Variants in USP43 observed in about 807,000 individuals in gnomAD.
The protein encoded by USP43 is ubiquitin carboxyl-terminal hydrolase 43.
Under a neutral mutation model 90.7 loss-of-function variants are expected in USP43, and 33 were observed. The observed-to-expected ratio is 0.36, with a 90% confidence interval of 0.28 to 0.49. The LOEUF is 0.49. USP43 is among the 20% of genes least tolerant of loss of function. The pLI is 0.98. For synonymous variants in USP43, 598 were observed against 615.8 expected (o/e 0.97, Z 0.43); for missense variants, 1,274 against 1,476.4 (o/e 0.86, Z 2.25).
rs139644491 is a variant in USP43 at position 9,672,082 on chromosome 17, C to T, written c.741-2809C>T. 7.3e-3 allele frequency among the ~76,000 whole-genome samples: 1,107 copies of T among 152,178 alleles called. 13 individuals are homozygous for T. The highest frequency in any genetic ancestry group is 0.025 in the African/African-American group (1,032 of 41,518). ...CGCGATCTCAGCTCACTGCAACCTC[C>T]GCCTCCCGGGTGCAAGCGATTCTTC... On this transcript the variant is annotated intron_variant, in intron 3 of 14. Transcript: ENST00000285199.
chr17:9,676,898 C>A lies in USP43; in HGVS notation c.969+17C>A, dbSNP rs1462757712. 2 of 1,610,856 alleles carry A rather than the reference C, an allele frequency of 1.2e-6. No homozygotes were observed. The highest frequency in any genetic ancestry group is 1.7e-6 in the Non-Finnish European group (2 of 1,178,346). ...GCAGATGAGGTGTGATAGAATTGCA[C>A]TGGGGCCTGGTCATTGGATGATAGA... On this transcript the variant is annotated intron_variant, in intron 5 of 14. Coordinates refer to ENST00000285199, the MANE Select transcript of USP43 (RefSeq NM_153210.5).
chr17:9,723,159 C>G (rs1043872444), intron 14 of USP43, among the ~76,000 whole-genome samples: 2 of 152,162 alleles, frequency 1.3e-5, no homozygotes, highest in African/African-American at 4.8e-5. Flanking sequence ...CCACAGCCTC[C>G]CAGGCCCCAG....
intron 1 of USP43, among the ~76,000 whole-genome samples, chr17:9,650,274 T>A (rs1911762892): frequency 6.6e-6 from 1 of 152,364 alleles, no homozygotes; most frequent in South Asian, 2.1e-4. Flanking sequence ...TTTTACTTTT[T>A]AAATAAACTT....
intron 14 of USP43, among the ~76,000 whole-genome samples, chr17:9,718,399 C>T (rs921281219): frequency 8.5e-5 from 13 of 152,148 alleles, no homozygotes; most frequent in African/African-American, 3.1e-4. Flanking sequence ...TTTAGATTCT[C>T]ATTGAGTCCA....
rs1344495458 is a variant in USP43 at position 9,693,140 on chromosome 17, T to C, written c.1367T>C (p.Leu456Pro). ...TTGTCTTCGCAGAACCTGGGGTCTC[T>C]GTTCTCCATCCGTGTTGTGGGACTC... The part of the protein sequence containing the change: ...SEAPVQNLGS[L>P]FSIRVVGLSV... The change falls in exon 9 of 15, where the codon CTG becomes CCG. Residue 456 changes from leucine to proline, a missense_variant. Physicochemically the swap from Leu to Pro is moderately conservative, Grantham distance 98. Transcript: ENST00000285199. 1.2e-6 allele frequency: 2 copies of C among 1,613,600 alleles called. No individual in the cohort carries two copies. Among genetic ancestry groups the C allele is most frequent in the African/African-American group, 1.3e-5 (1 of 74,916 alleles).
chr17:9,672,867 G>A (rs753568432), intron 3 of USP43, among the ~76,000 whole-genome samples: 1 of 152,080 alleles, frequency 6.6e-6, no homozygotes, highest in Admixed American at 6.6e-5. Flanking sequence ...GGATTGCCTC[G>A]GGCGACACTC....
intron 12 of USP43, among the ~76,000 whole-genome samples, chr17:9,702,196 T>C (rs1489078515): frequency 6.6e-6 from 1 of 150,550 alleles, no homozygotes. Flanking sequence ...CCCCCGTCTC[T>C]ACAAAAAAAA....
chr17:9,717,241 G>A (rs1567682633), intron 14 of USP43, among the ~76,000 whole-genome samples: 1 of 151,118 alleles, frequency 6.6e-6, no homozygotes, highest in Non-Finnish European at 1.5e-5. Context: ...TTTCAGAGTT[G>A]TTTCTGGTTT....
At chr17:9,685,873 A>G (rs1238647127) in intron 7 of USP43, among the ~76,000 whole-genome samples, 1 of 152,222 alleles carries the variant, frequency 6.6e-6, no homozygotes, top group Non-Finnish European at 1.5e-5. Context: ...ATTGTTAACA[A>G]TAGTCACTCT....
chr17:9,645,563 T>G lies in USP43; in HGVS notation c.-70T>G, dbSNP rs543369938. 8.6e-7 allele frequency: 1 copy of G among 1,156,932 alleles called. No individual in the cohort carries two copies. Among genetic ancestry groups the G allele is most frequent in the South Asian group, 4.4e-5 (1 of 22,982 alleles). 71.7% of individuals were successfully genotyped at this position (1,156,932 alleles called of 1,614,324 possible). A position where few individuals can be genotyped will look rare whatever the true frequency, so the allele number is the denominator to read the frequency against. ...GGCACCAGGAGCCTTAGAGAAGCTG[T>G]AGGGCCTGCTGGCCGCTCGTCCGCC... On this transcript the variant is annotated 5_prime_UTR_variant, in exon 1 of 15. Coordinates refer to ENST00000285199, the MANE Select transcript of USP43 (RefSeq NM_153210.5). This position sits in a 1 kb window ranked among gnomAD's most constrained non-coding sequence, Gnocchi z 6.8.
chr17:9,708,881 C>G (rs1338682374), intron 12 of USP43, among the ~76,000 whole-genome samples: 1 of 152,152 alleles, frequency 6.6e-6, no homozygotes, highest in Non-Finnish European at 1.5e-5. Flanking sequence ...CCCACCTCGG[C>G]CTCCCAAAGT....
At chr17:9,717,421 T>G (rs1916650744) in intron 14 of USP43, among the ~76,000 whole-genome samples, 1 of 151,840 alleles carries the variant, frequency 6.6e-6, no homozygotes, top group Non-Finnish European at 1.5e-5. Context: ...TCTTTATACT[T>G]TATGTCATCA....
chr17:9,668,180 G>A (rs542935673), intron 3 of USP43, among the ~76,000 whole-genome samples: 5 of 152,214 alleles, frequency 3.3e-5, no homozygotes, highest in Admixed American at 6.5e-5. Flanking sequence ...GCTTTTCTCC[G>A]AGTCGTCTGG....
At chr17:9,681,349 TA>T (rs1294583503) in intron 6 of USP43, among the ~76,000 whole-genome samples, 27 of 112,558 alleles carry the variant, frequency 2.4e-4, no homozygotes, top group Non-Finnish European at 4.3e-4. Context: ...TATATATAAA[TA>T]AAATAAATAA....
At chr17:9,648,727 A>T (rs1911632850) in intron 1 of USP43, among the ~76,000 whole-genome samples, 1 of 152,140 alleles carries the variant, frequency 6.6e-6, no homozygotes, top group Non-Finnish European at 1.5e-5. Flanking sequence ...TGGGGCCGAG[A>T]GACCTTCAGT....
At chr17:9,711,689 C>T (rs553393438) in intron 13 of USP43, among the ~76,000 whole-genome samples, 1 of 152,290 alleles carries the variant, frequency 6.6e-6, no homozygotes, top group African/African-American at 2.4e-5. Flanking sequence ...CCTCGGCCTC[C>T]GTAAGTGCTG....
intron 2 of USP43, among the ~76,000 whole-genome samples, chr17:9,660,197 T>C (rs1054213829): frequency 2.0e-5 from 3 of 152,100 alleles, no homozygotes; most frequent in Admixed American, 1.3e-4. Context: ...GTTGCCCAGG[T>C]TGGAGTGCAG....
chr17:9,647,358 G>A (rs1911505236), intron 1 of USP43: 1 of 152,100 alleles, frequency 6.6e-6, no homozygotes, highest in African/African-American at 2.4e-5. Flanking sequence ...GTCTCTTTTT[G>A]GTGACATTTG....
At chr17:9,711,011 C>G (rs370436) in intron 13 of USP43, among the ~76,000 whole-genome samples, 46,132 of 151,612 alleles carry the variant, frequency 0.3, 7,985 homozygotes, top group African/African-American at 0.49. Flanking sequence ...AGGTCTAAAC[C>G]AATCCTAACA....
Sources: allele counts gnomAD v4.1 joint callset (sites outside exome capture counted in the v4.1 genomes callset), GRCh38; gene constraint gnomAD v4.1.1; non-coding constraint Gnocchi (gnomAD v3.1); transcripts MANE v1.5; gene names NCBI Gene and HGNC (gene_info 2026-07-23, HGNC 2026-07-21).